UGT1A7: variants seen among roughly 807,000 people sequenced by gnomAD.
UGT1A7 encodes the protein UDP glucuronosyltransferase family 1 member A7.
UGT1A7 carries 33 observed loss-of-function variants against 45.6 expected under a neutral mutation model. The observed-to-expected ratio is 0.72, with a 90% CI of 0.55 to 0.97. The LOEUF (loss-of-function observed/expected upper bound fraction) is 0.97, where lower values mean the gene tolerates loss of function less well. Ranked by LOEUF, UGT1A7 falls within the 50% of genes least tolerant of loss-of-function variation. The pLI is 0.00. For missense variants in UGT1A7, 684 were observed against 666.2 expected (o/e 1.03, Z -0.29); for synonymous variants, 274 against 250.6 (o/e 1.09, Z -0.88).
chr2:233,687,348 G>T (rs542645031), intron 1 of UGT1A7, among the ~76,000 whole-genome samples: 1 of 152,264 alleles, frequency 6.6e-6, no homozygotes, highest in East Asian at 1.9e-4. Flanking sequence ...TTAAACTTCA[G>T]ATGGGTGGAC....
chr2:233,749,939 T>C (rs1438530093), intron 1 of UGT1A7, among the ~76,000 whole-genome samples: 1 of 151,928 alleles, frequency 6.6e-6, no homozygotes, highest in African/African-American at 2.4e-5. Context: ...CTTTCCTTTA[T>C]GAATTACCGA....
At chr2:233,713,846 G>A in intron 1 of UGT1A7, 6 of 1,614,046 alleles carry the variant, frequency 3.7e-6, no homozygotes, top group Non-Finnish European at 5.1e-6. Context: ...CCAACGGGAA[G>A]CCACTATCTC....
At position 233,772,593 on chromosome 2, in the gene UGT1A7, C is replaced by G; in HGVS notation, c.*34C>G. On this transcript the variant is annotated 3_prime_UTR_variant, in exon 5 of 5. Transcript: ENST00000373426. The stretch of plus-strand genomic sequence containing the variant: ...TGGGAAATAAGGTAAAATTTTGAAC[C>G]ATTCCCTAGTCATTTCCAAACTTGA... The G allele has an allele frequency of 6.3e-7, 1 of 1,598,604 alleles. No individual in the cohort carries two copies. The highest frequency in any genetic ancestry group is 8.5e-7 in the Non-Finnish European group (1 of 1,171,794).
Position 233,706,374 on chromosome 2 carries a change from CAAA to C in UGT1A7, c.855+23584_855+23586del, listed in dbSNP as rs1263294962. ...CATTCTTCCAATTTAGGCCATTGTA[CAAA>C]AGCAGAGGCCAAGTACATTTACCAC... On this transcript the variant is annotated intron_variant, in intron 1 of 4. Transcript: ENST00000373426. Among the ~76,000 whole-genome samples the C allele has an allele frequency of 2.6e-5, 4 of 152,296 alleles. No individual in the cohort carries two copies. In the East Asian group the frequency reaches 7.7e-4, roughly 29 times the overall value.
intron 1 of UGT1A7, chr2:233,717,989 C>A: frequency 2.3e-6 from 1 of 440,050 alleles, no homozygotes; most frequent in South Asian, 1.6e-5. Context: ...GGAATTCAGA[C>A]TGTGCAAGAT....
chr2:233,744,977 C>T (rs528812849), intron 1 of UGT1A7, among the ~76,000 whole-genome samples: 2 of 151,856 alleles, frequency 1.3e-5, no homozygotes, highest in Non-Finnish European at 1.5e-5. Flanking sequence ...CTTTAAGCCT[C>T]TAGTCATCTC....
chr2:233,702,732 C>A (rs1221378723), intron 1 of UGT1A7, among the ~76,000 whole-genome samples: 1 of 152,088 alleles, frequency 6.6e-6, no homozygotes, highest in African/African-American at 2.4e-5. Flanking sequence ...ACATGGTTTT[C>A]TTTTTGGTCC....
chr2:233,683,521 TG>T, intron 1 of UGT1A7, among the ~76,000 whole-genome samples: 1 of 152,314 alleles, frequency 6.6e-6, no homozygotes, highest in Non-Finnish European at 1.5e-5. Flanking sequence ...TGAGTATGGT[TG>T]CTTGGTTTTC....
intron 1 of UGT1A7, chr2:233,747,510 T>C (rs1693700936): frequency 1.9e-6 from 3 of 1,608,048 alleles, no homozygotes; most frequent in Non-Finnish European, 2.6e-6. Flanking sequence ...CACTCAACTG[T>C]ACTTTGAAAC....
chr2:233,738,552 A>G (rs1690828965), intron 1 of UGT1A7, among the ~76,000 whole-genome samples: 1 of 152,208 alleles, frequency 6.6e-6, no homozygotes, highest in South Asian at 2.1e-4. Flanking sequence ...TCTCAGATAG[A>G]GATGAGGAAT....
At chr2:233,715,160 A>T (rs1169794492) in intron 1 of UGT1A7, among the ~76,000 whole-genome samples, 1 of 152,210 alleles carries the variant, frequency 6.6e-6, no homozygotes, top group Non-Finnish European at 1.5e-5. Flanking sequence ...TGCTGGAATT[A>T]CAGGCGCGAG....
chr2:233,755,163 G>A (rs183842611), intron 1 of UGT1A7: 2 of 1,285,674 alleles, frequency 1.6e-6, no homozygotes, highest in African/African-American at 1.6e-5. Flanking sequence ...CCTGTCCTCG[G>A]GGTTTTTGTC....
chr2:233,718,961 C>T, intron 1 of UGT1A7: 1 of 1,614,218 alleles, frequency 6.2e-7, no homozygotes, highest in South Asian at 1.1e-5. Context: ...TGCGGGAGGC[C>T]TTGCGGGAGC....
chr2:233,713,664 C>T (rs17862867), intron 1 of UGT1A7: 157,954 of 1,613,772 alleles, frequency 0.098, 8,758 homozygotes, highest in South Asian at 0.2. Flanking sequence ...CTACCTTTGC[C>T]ATGCTGTTTC....
chr2:233,684,711 G>T (rs1275100203), intron 1 of UGT1A7, among the ~76,000 whole-genome samples: 1 of 151,950 alleles, frequency 6.6e-6, no homozygotes, highest in East Asian at 1.9e-4. Flanking sequence ...ATGTATTAAT[G>T]TATATATTTA....
intron 1 of UGT1A7, among the ~76,000 whole-genome samples, chr2:233,739,654 C>A (rs1048629610): frequency 2.0e-5 from 3 of 152,310 alleles, no homozygotes; most frequent in East Asian, 1.9e-4. Context: ...AATTTCTGTA[C>A]CCCCATTGTG....
chr2:233,702,373 G>A (rs905615069), intron 1 of UGT1A7, among the ~76,000 whole-genome samples: 3 of 151,954 alleles, frequency 2.0e-5, no homozygotes, highest in African/African-American at 7.3e-5. Context: ...GATTTCGTAG[G>A]ATTTTCTACA....
In UGT1A7 at chr2:233,743,654, T is replaced by A. The variant is rs777818492; in HGVS notation, c.856-23380T>A. The A allele has an allele frequency of 2.2e-6, 3 of 1,367,166 alleles. No homozygotes were observed. In the East Asian group the frequency reaches 1.4e-4, roughly 62 times the overall value. 84.7% of individuals were successfully genotyped at this position (1,367,166 alleles called of 1,614,324 possible). A position where few individuals can be genotyped will look rare whatever the true frequency, so the allele number is the denominator to read the frequency against. ...TGGGTCGCGGAAGCTGAAGACGTAC[T>A]CGAAGGGGTCCTCGAAGGGCCTGCC... is the stretch of plus-strand genomic sequence containing the variant. On this transcript the variant is annotated intron_variant, in intron 1 of 4. Transcript: ENST00000373426.
intron 1 of UGT1A7, among the ~76,000 whole-genome samples, chr2:233,730,198 G>A (rs544900257): frequency 2.0e-5 from 3 of 152,306 alleles, no homozygotes; most frequent in South Asian, 4.2e-4. Context: ...CTGAGAGGAA[G>A]AGGAAGTAGA....
Sources: gnomAD v4.1 joint callset for allele counts (sites outside exome capture counted in the v4.1 genomes callset) on GRCh38, gnomAD v4.1.1 for gene constraint, MANE v1.5 for transcripts, NCBI Gene and HGNC (gene_info 2026-07-23, HGNC 2026-07-21) for gene names.